Variants in GABRR2 observed in about 807,000 individuals in gnomAD.
The protein encoded by GABRR2 is gamma-aminobutyric acid type A receptor subunit rho2.
A neutral mutation model predicts 47.0 loss-of-function variants in GABRR2; 36 were observed. The observed-to-expected ratio is 0.77, with a 90% CI of 0.59 to 1.01. The LOEUF (loss-of-function observed/expected upper bound fraction) is 1.01, where lower values mean the gene tolerates loss of function less well. Ranked by LOEUF, GABRR2 falls within the 50% of genes least tolerant of loss-of-function variation. GABRR2 has a pLI of 0.00. For synonymous variants in GABRR2, 204 were observed against 227.5 expected (o/e 0.90, Z 0.93); for missense variants, 587 against 594.6 (o/e 0.99, Z 0.13).
intron 2 of GABRR2, among the ~76,000 whole-genome samples, chr6:89,296,135 C>T (rs1774549281): frequency 6.6e-6 from 1 of 152,244 alleles, no homozygotes; most frequent in Non-Finnish European, 1.5e-5. Flanking sequence ...TGTGCAGCCT[C>T]CTTTCTCACA....
intron 2 of GABRR2, among the ~76,000 whole-genome samples, chr6:89,286,241 G>T (rs967240777): frequency 6.6e-6 from 1 of 152,212 alleles, no homozygotes; most frequent in African/African-American, 2.4e-5. Context: ...GAGTAGAATA[G>T]TGGTTGCCAG....
intron 1 of GABRR2, chr6:89,302,823 T>C: frequency 9.2e-6 from 13 of 1,412,068 alleles, no homozygotes; most frequent in Non-Finnish European, 1.3e-5. Flanking sequence ...GGTGGACGTG[T>C]GTGACATCCC....
chr6:89,302,973 C>G, intron 1 of GABRR2: 4 of 1,300,030 alleles, frequency 3.1e-6, no homozygotes, highest in Non-Finnish European at 3.2e-6. Flanking sequence ...AGGGCATGGA[C>G]GAGATGGAGA....
intron 1 of GABRR2, among the ~76,000 whole-genome samples, chr6:89,311,170 C>T (rs548716345): frequency 2.0e-5 from 3 of 152,302 alleles, no homozygotes; most frequent in South Asian, 2.1e-4. Context: ...ATGAAAGACG[C>T]CTCCGGAAGG....
chr6:89,312,753 A>G (rs1414225966), intron 1 of GABRR2, among the ~76,000 whole-genome samples: 1 of 152,236 alleles, frequency 6.6e-6, no homozygotes, highest in Non-Finnish European at 1.5e-5. Flanking sequence ...CTGTGTGTGC[A>G]TTCTCATGGA....
In GABRR2 at chr6:89,264,432, C is replaced by T; in HGVS notation, c.1066G>A (p.Glu356Lys). ...NYLTTVQERK[E>K]RKLREKFPCM... is the part of the protein sequence containing the mutation. ...CTCACCTTCTCCCGCAGCTTCCGTT[C>T]CTTGCGCTCCTGCACGGTGGTCAGG... Residue 356 changes from glutamate to lysine, a missense_variant, in exon 8 of 9, where the codon GAA becomes AAA. Glu to Lys is a moderately conservative substitution (Grantham distance 56). Coordinates refer to ENST00000402938, the MANE Select transcript of GABRR2 (RefSeq NM_002043.5). The T allele has an allele frequency of 6.2e-7, 1 of 1,613,870 alleles. No homozygotes were observed. Among genetic ancestry groups the T allele is most frequent in the African/African-American group, 1.3e-5 (1 of 75,028 alleles).
intron 1 of GABRR2, chr6:89,301,794 C>G: frequency 1.2e-6 from 1 of 831,278 alleles, no homozygotes; most frequent in Non-Finnish European, 2.1e-6. Flanking sequence ...TGAGGGAGAT[C>G]CTGCACATTC....
rs1480138123 is a variant in GABRR2 at position 89,310,736 on chromosome 6, C to T, written c.113+4317G>A. Reference sequence around the variant, plus strand: ...GAATGAGTGAGCATTAGATGAGAAGCGGGAGGGGGTGGGGGGTGTGGTGGG... The same window carrying T: ...GAATGAGTGAGCATTAGATGAGAAGTGGGAGGGGGTGGGGGGTGTGGTGGG... On this transcript the variant is annotated intron_variant, in intron 1 of 8. Transcript: ENST00000402938. Among the ~76,000 whole-genome samples the T allele has an allele frequency of 1.5e-4, 9 of 59,476 alleles. No homozygotes were observed. The South Asian group carries it at 1.8e-3, about 12-fold the overall frequency. The allele number at this position is 59,476 out of a possible 152,430, so 39.0% of individuals were successfully genotyped here.
At chr6:89,288,154 G>A (rs1774363342) in intron 2 of GABRR2, among the ~76,000 whole-genome samples, 1 of 152,168 alleles carries the variant, frequency 6.6e-6, no homozygotes, top group Admixed American at 6.5e-5. Flanking sequence ...GAATTCAACA[G>A]GAATGATGAT....
rs1376455609 is a variant in GABRR2, at chr6:89,269,050, A to G, written c.473T>C (p.Leu158Pro). The change falls in exon 4 of 9, where the codon CTG becomes CCG. Residue 158 changes from leucine (L) to proline (P), a missense_variant. Coordinates refer to ENST00000402938, the MANE Select transcript of GABRR2 (RefSeq NM_002043.5). ...THDTTTDNIM[L>P]RVFPDGHVLY... is the part of the protein sequence containing the mutation. ...CACGTGTCCATCTGGGAACACCCTC[A>G]GCATGATGTTGTCAGTGGTGGTGTC... The G allele has an allele frequency of 1.2e-6, 2 of 1,614,040 alleles. No individual in the cohort carries two copies. Among genetic ancestry groups the G allele is most frequent in the Non-Finnish European group, 1.7e-6 (2 of 1,179,882 alleles).
intron 8 of GABRR2, among the ~76,000 whole-genome samples, chr6:89,263,861 A>G (rs1773812429): frequency 1.3e-5 from 2 of 152,152 alleles, no homozygotes; most frequent in African/African-American, 4.8e-5. Flanking sequence ...GCAGCTACAC[A>G]TAAAAGGTTT....
intron 2 of GABRR2, among the ~76,000 whole-genome samples, chr6:89,275,516 C>A (rs542971507): frequency 1.3e-5 from 2 of 152,112 alleles, no homozygotes; most frequent in Admixed American, 6.5e-5. Flanking sequence ...TCAAGTGATC[C>A]GCCCGCCTCA....
chr6:89,258,241 C>T (rs1459553543), intron 8 of GABRR2, among the ~76,000 whole-genome samples: 4 of 152,156 alleles, frequency 2.6e-5, no homozygotes, highest in Non-Finnish European at 5.9e-5. Flanking sequence ...TACTGTGTAG[C>T]CAGAATTGAG....
At chr6:89,314,025 T>TG (rs1415810945) in intron 1 of GABRR2, among the ~76,000 whole-genome samples, 3 of 147,876 alleles carry the variant, frequency 2.0e-5, no homozygotes, top group Non-Finnish European at 3.1e-5. Context: ...TCAGGGTTTT[T>TG]TTTTTTTTTT....
At chr6:89,309,138 G>T (rs771534287) in intron 1 of GABRR2, among the ~76,000 whole-genome samples, 2 of 152,144 alleles carry the variant, frequency 1.3e-5, no homozygotes, top group Non-Finnish European at 2.9e-5. Flanking sequence ...AGCCTGACTT[G>T]CATGAGGACA....
Position 89,265,693 on chromosome 6 carries a change from A to C in GABRR2, c.809T>G (p.Phe270Cys). 6.3e-7 allele frequency: 1 copy of C among 1,599,802 alleles called. No individual in the cohort carries two copies. The highest frequency in any genetic ancestry group is 8.5e-7 in the Non-Finnish European group (1 of 1,172,842). The change falls in exon 7 of 9, where the codon TTC becomes TGC. Residue 270 changes from phenylalanine (F) to cysteine (C), a missense_variant. Phe to Cys is a radical substitution (Grantham distance 205, BLOSUM62 -2). Coordinates refer to ENST00000402938, the MANE Select transcript of GABRR2 (RefSeq NM_002043.5). ...HIFFFLLQTY[F>C]PATLMVMLSW... ...CAGCATGACCATCAGAGTGGCAGGG[A>C]AATATGTTTGGAGCAAGAAGAAGAA...
At position 89,315,279 on chromosome 6, in the gene GABRR2, G is replaced by A. The variant is rs780052612; in HGVS notation, c.-114C>T. 2 of 1,574,284 alleles carry A rather than the reference G, an allele frequency of 1.3e-6. No homozygotes were observed. Among genetic ancestry groups the A allele is most frequent in the Admixed American group, 1.8e-5 (1 of 56,396 alleles). ...GCCTCCTGACGGGCTGCTCTGAGGG[G>A]CTGTGAGGGCAAGGCTGGCCAGGCT... On this transcript the variant is annotated 5_prime_UTR_variant, in exon 1 of 9. Coordinates refer to ENST00000402938, the MANE Select transcript of GABRR2 (RefSeq NM_002043.5).
chr6:89,272,262 T>A (rs1388317590), intron 2 of GABRR2, among the ~76,000 whole-genome samples: 2 of 152,212 alleles, frequency 1.3e-5, no homozygotes, highest in Non-Finnish European at 2.9e-5. Context: ...CTCTGTGCGA[T>A]GTCACATCAC....
chr6:89,264,234 T>G (rs1454277751), intron 8 of GABRR2, among the ~76,000 whole-genome samples, 178 bp downstream of exon 8: 1 of 152,206 alleles, frequency 6.6e-6, no homozygotes, highest in Non-Finnish European at 1.5e-5. Flanking sequence ...AAAGACCTTC[T>G]GCTTTCTGGA....
Sources: allele counts gnomAD v4.1 joint callset (sites outside exome capture counted in the v4.1 genomes callset), GRCh38; gene constraint gnomAD v4.1.1; transcripts MANE v1.5; gene names NCBI Gene and HGNC (gene_info 2026-07-23, HGNC 2026-07-21).